Variants in PTPRM observed in about 807,000 individuals in gnomAD.
PTPRM encodes the protein protein tyrosine phosphatase receptor type M, also known as receptor-type tyrosine-protein phosphatase mu.
Under a neutral mutation model 186.7 loss-of-function variants are expected in PTPRM, and 47 were observed. The observed-to-expected ratio is 0.25, with a 90% CI of 0.20 to 0.32. PTPRM has a LOEUF of 0.32. Ranked by LOEUF, PTPRM falls within the 10% of genes least tolerant of loss-of-function variation. PTPRM has a pLI of 1.00. For missense variants in PTPRM, 1,494 were observed against 1,865.0 expected, an observed-to-expected ratio of 0.80 and a Z score of 3.66; for synonymous variants, 668 against 674.9, an observed-to-expected ratio of 0.99 and a Z score of 0.16.
intron 2 of PTPRM, among the ~76,000 whole-genome samples, chr18:7,860,082 T>A (rs564808181): frequency 2.6e-5 from 4 of 152,152 alleles, no homozygotes; most frequent in South Asian, 2.1e-4. Flanking sequence ...TTATTTTATT[T>A]TTTTTTTTGA....
intron 20 of PTPRM, among the ~76,000 whole-genome samples, chr18:8,300,127 A>G (rs953024611): frequency 1.3e-5 from 2 of 152,316 alleles, no homozygotes; most frequent in East Asian, 3.9e-4. Flanking sequence ...TAAGACATGC[A>G]TGAAATAATA....
chr18:7,842,367 A>G (rs1440732543), intron 2 of PTPRM, among the ~76,000 whole-genome samples: 1 of 152,164 alleles, frequency 6.6e-6, no homozygotes, highest in East Asian at 1.9e-4. Context: ...CGTTAACTCA[A>G]GCCACCCAAC....
intron 1 of PTPRM, among the ~76,000 whole-genome samples, chr18:7,643,541 C>A (rs192838147): frequency 9.9e-5 from 15 of 152,124 alleles, no homozygotes; most frequent in African/African-American, 3.6e-4. Context: ...GGGATTTCAC[C>A]ATGTTAGCCA....
chr18:7,725,089 G>A (rs1483092383), intron 1 of PTPRM, among the ~76,000 whole-genome samples: 1 of 152,124 alleles, frequency 6.6e-6, no homozygotes, highest in African/African-American at 2.4e-5. Context: ...GTTCATTCTG[G>A]TTATTCACCA....
intron 1 of PTPRM, among the ~76,000 whole-genome samples, chr18:7,681,352 C>T (rs2039475980): frequency 6.6e-6 from 1 of 152,086 alleles, no homozygotes; most frequent in South Asian, 2.1e-4. Context: ...TCAAGCATGA[C>T]TAGAGAGTAG....
chr18:7,754,666 G>A (rs2041384406), intron 1 of PTPRM: 1 of 152,208 alleles, frequency 6.6e-6, no homozygotes, highest in Admixed American at 6.5e-5. Context: ...TATCAGTGTT[G>A]TTTATTCATT....
At chr18:7,645,902 C>G (rs2038549976) in intron 1 of PTPRM, among the ~76,000 whole-genome samples, 1 of 152,148 alleles carries the variant, frequency 6.6e-6, no homozygotes, top group Non-Finnish European at 1.5e-5. Flanking sequence ...TTTTGTCAGT[C>G]TGCCAGGATT....
intron 14 of PTPRM, among the ~76,000 whole-genome samples, chr18:8,228,833 C>T (rs2094248600): frequency 6.6e-6 from 1 of 152,058 alleles, no homozygotes; most frequent in African/African-American, 2.4e-5. Context: ...AGCCTGGCGA[C>T]ACAGCAAGAC....
At chr18:8,381,187 G>A (rs2095732890) in intron 29 of PTPRM, among the ~76,000 whole-genome samples, 1 of 152,062 alleles carries the variant, frequency 6.6e-6, no homozygotes, top group African/African-American at 2.4e-5. Context: ...GCAAGCATTA[G>A]CACAGTGGTC....
At chr18:8,050,192 C>T (rs866153948) in intron 7 of PTPRM, among the ~76,000 whole-genome samples, 23 of 152,302 alleles carry the variant, frequency 1.5e-4, no homozygotes, top group Non-Finnish European at 2.4e-4. Context: ...ATTTGAAGTA[C>T]AGCAGATAGA....
chr18:8,252,366 A>G, intron 17 of PTPRM, 122 bp from the exon 18 acceptor site: 1 of 857,022 alleles, frequency 1.2e-6, no homozygotes. Flanking sequence ...TGAATAGAAA[A>G]CTTAACTGGA....
intron 7 of PTPRM, among the ~76,000 whole-genome samples, chr18:7,997,090 C>A (rs2083583551): frequency 6.6e-6 from 1 of 152,122 alleles, no homozygotes; most frequent in Non-Finnish European, 1.5e-5. Context: ...CCAGAGCAAT[C>A]TTAGCAAAAA....
At chr18:8,258,284 G>T (rs2147457772) in intron 19 of PTPRM, among the ~76,000 whole-genome samples, 1 of 152,266 alleles carries the variant, frequency 6.6e-6, no homozygotes, top group African/African-American at 2.4e-5. Flanking sequence ...CAGAAAAGTA[G>T]AAGAGAGAGC....
At chr18:7,604,439 G>A (rs2037481187) in intron 1 of PTPRM, among the ~76,000 whole-genome samples, 1 of 152,188 alleles carries the variant, frequency 6.6e-6, no homozygotes. Flanking sequence ...GAGATTCTCT[G>A]GTATGGGAAA....
chr18:7,889,923 T>G (rs2146368128), intron 3 of PTPRM, among the ~76,000 whole-genome samples: 1 of 152,304 alleles, frequency 6.6e-6, no homozygotes, highest in Middle Eastern at 3.4e-3. Flanking sequence ...AGTTCCTGTT[T>G]AAAGTAACTG....
chr18:8,199,062 G>A (rs1019090926), intron 14 of PTPRM, among the ~76,000 whole-genome samples: 5 of 151,970 alleles, frequency 3.3e-5, no homozygotes, highest in African/African-American at 7.3e-5. Context: ...CCATCTCGGC[G>A]GGCTCATCTT....
chr18:7,596,875 T>TC (rs1227164752), intron 1 of PTPRM, among the ~76,000 whole-genome samples: 3 of 152,082 alleles, frequency 2.0e-5, no homozygotes, highest in Non-Finnish European at 4.4e-5. Context: ...TTCTTTTTTT[T>TC]CAGACAGTTT....
In PTPRM at chr18:8,085,717, C is replaced by G. The variant is rs1254488286; in HGVS notation, c.1598C>G (p.Ser533Cys). 2 of 1,611,106 alleles carry G rather than the reference C, an allele frequency of 1.2e-6. No homozygotes were observed. The highest frequency in any genetic ancestry group is 1.7e-6 in the Non-Finnish European group (2 of 1,177,546). The change falls in exon 10 of 33, where the codon TCC becomes TGC. Residue 533 changes from serine (S) to cysteine (C), a missense_variant. By Grantham distance (112) the Ser-to-Cys change is moderately radical (BLOSUM62 -1). Transcript: ENST00000580170. ...VSSFDPEIDL[S>C]NQSGRVSKLG... ...TCCTTTGACCCAGAAATAGATTTAT[C>G]CAATCAGAGTGGAAGAGTTTCAAAG...
chr18:8,036,915 A>C (rs2086368915), intron 7 of PTPRM, among the ~76,000 whole-genome samples: 1 of 152,220 alleles, frequency 6.6e-6, no homozygotes. Flanking sequence ...TAAATTTTAA[A>C]TGCAGGAAAG....
Sources: gnomAD v4.1 joint callset for allele counts (sites outside exome capture counted in the v4.1 genomes callset) on GRCh38, gnomAD v4.1.1 for gene constraint, MANE v1.5 for transcripts, NCBI Gene and HGNC (gene_info 2026-07-23, HGNC 2026-07-21) for gene names.